ADAMTS3: variants seen among roughly 807,000 people sequenced by gnomAD.
The protein encoded by ADAMTS3 is ADAM metallopeptidase with thrombospondin type 1 motif 3.
Under a neutral mutation model 129.0 loss-of-function variants are expected in ADAMTS3, and 73 were observed. That is an observed-to-expected ratio of 0.57 (90% confidence interval 0.47 to 0.69). The LOEUF (loss-of-function observed/expected upper bound fraction) is 0.69, where lower values mean the gene tolerates loss of function less well. Among genes scored for constraint, ADAMTS3 ranks in the 30% least tolerant of loss-of-function variants. The pLI is 0.00. For missense variants in ADAMTS3, 1,457 were observed against 1,514.5 expected (o/e 0.96, Z 0.63); for synonymous variants, 477 against 510.8 (o/e 0.93, Z 0.89).
intron 19 of ADAMTS3, 98 bp from the exon 20 acceptor site, chr4:72,291,160 T>C (rs1027735104): frequency 6.1e-6 from 8 of 1,310,606 alleles, no homozygotes; most frequent in Non-Finnish European, 8.5e-6. Context: ...TCTAAGTGAC[T>C]TGCAACCTAG....
At chr4:72,437,648 G>A (rs2046191) in intron 3 of ADAMTS3, among the ~76,000 whole-genome samples, 147,832 of 151,810 alleles carry the variant, frequency 0.97, 72,122 homozygotes, top group South Asian at 1. Flanking sequence ...CCAAGCCTCT[G>A]TGTTGGTGCA....
intron 3 of ADAMTS3, among the ~76,000 whole-genome samples, chr4:72,515,665 C>T (rs984257807): frequency 3.3e-5 from 5 of 151,948 alleles, no homozygotes; most frequent in African/African-American, 1.2e-4. Context: ...TGTCCTTCGC[C>T]CACTTTTTGA....
At chr4:72,377,870 C>G (rs1191223376) in intron 4 of ADAMTS3, among the ~76,000 whole-genome samples, 2 of 152,102 alleles carry the variant, frequency 1.3e-5, no homozygotes, top group Non-Finnish European at 2.9e-5. Flanking sequence ...ATTCACTAAC[C>G]AAGAACTAAA....
rs768717927 is a variant in ADAMTS3 at position 72,548,900 on chromosome 4, C to T, written c.98-16G>A. 1.9e-6 allele frequency: 3 copies of T among 1,594,514 alleles called. No homozygotes were observed. In the African/African-American group the frequency reaches 4.0e-5, roughly 21 times the overall value. Reference sequence around the variant, plus strand: ...ATTGGTAAATCTGTGGGGTGAAAAACAGAACTGTCAAACCCTGTACAATAA... The same window carrying T: ...ATTGGTAAATCTGTGGGGTGAAAAATAGAACTGTCAAACCCTGTACAATAA... On this transcript the variant is annotated splice_polypyrimidine_tract_variant and intron_variant, in intron 2 of 21. Coordinates refer to ENST00000286657, the MANE Select transcript of ADAMTS3 (RefSeq NM_014243.3).
At chr4:72,529,417 T>A (rs1720899884) in intron 3 of ADAMTS3, among the ~76,000 whole-genome samples, 1 of 151,740 alleles carries the variant, frequency 6.6e-6, no homozygotes. Flanking sequence ...TTCCAGGGGA[T>A]TCTGATGCCT....
At chr4:72,479,430 A>G (rs1035720319) in intron 3 of ADAMTS3, among the ~76,000 whole-genome samples, 10 of 152,336 alleles carry the variant, frequency 6.6e-5, no homozygotes, top group African/African-American at 2.4e-4. Flanking sequence ...CCTGACAAAA[A>G]CAAGCAATGG....
chr4:72,411,631 T>C (rs966730813), intron 4 of ADAMTS3, among the ~76,000 whole-genome samples: 1 of 152,104 alleles, frequency 6.6e-6, no homozygotes, highest in Non-Finnish European at 1.5e-5. Flanking sequence ...ATACTTTGCC[T>C]CTGGGACATG....
intron 3 of ADAMTS3, among the ~76,000 whole-genome samples, chr4:72,533,673 A>ATATC (rs1164175826): frequency 6.6e-6 from 1 of 151,372 alleles, no homozygotes; most frequent in Non-Finnish European, 1.5e-5. Flanking sequence ...GTATATGCAC[A>ATATC]TATATGCACA....
intron 3 of ADAMTS3, among the ~76,000 whole-genome samples, chr4:72,455,164 A>G (rs1037703357): frequency 2.0e-5 from 3 of 151,762 alleles, no homozygotes; most frequent in Non-Finnish European, 4.4e-5. Flanking sequence ...CTCTACAAAA[A>G]TGATATTTCA....
chr4:72,522,121 G>A (rs1056475707), intron 3 of ADAMTS3, among the ~76,000 whole-genome samples: 4 of 152,042 alleles, frequency 2.6e-5, no homozygotes. Context: ...AGAAGATGAA[G>A]CCCAAGGGAG....
Position 72,290,935 on chromosome 4 carries a change from T to C in ADAMTS3, c.2851A>G (p.Met951Val), listed in dbSNP as rs764179660. Residue 951 changes from methionine to valine, a missense_variant, in exon 20 of 22, where the codon ATG (methionine) becomes GTG (valine). By Grantham distance (21) the Met-to-Val change is conservative. Transcript: ENST00000286657. ...TNRSVHSKYCMGDRPESRRPC... is the reference protein window; with the variant it reads ...TNRSVHSKYCVGDRPESRRPC... ...CGGCGGCTCTCGGGACGGTCACCCA[T>C]GCAGTATTTGCTGTGCACAGAGCGG... 6.2e-7 allele frequency: 1 copy of C among 1,614,074 alleles called. No homozygotes were observed. Among genetic ancestry groups the C allele is most frequent in the South Asian group, 1.1e-5 (1 of 91,078 alleles).
At chr4:72,314,681 T>A (rs149185955) in intron 11 of ADAMTS3, among the ~76,000 whole-genome samples, 42 of 152,332 alleles carry the variant, frequency 2.8e-4, no homozygotes, top group African/African-American at 9.6e-4. Context: ...TAACTCGTTA[T>A]ACTCTTGTTT....
At chr4:72,528,211 C>CT in intron 3 of ADAMTS3, among the ~76,000 whole-genome samples, 1 of 133,542 alleles carries the variant, frequency 7.5e-6, no homozygotes, top group African/African-American at 2.8e-5. Context: ...TTAATTCTCT[C>CT]TTTAAAAAAA....
intron 3 of ADAMTS3, among the ~76,000 whole-genome samples, chr4:72,465,573 G>A (rs1363623880): frequency 6.6e-6 from 1 of 151,982 alleles, no homozygotes; most frequent in Non-Finnish European, 1.5e-5. Flanking sequence ...CATTAACTAT[G>A]TCCTACACAC....
rs1410174891 is a variant in ADAMTS3 at position 72,311,058 on chromosome 4, C to G, written c.2045G>C (p.Gly682Ala). 1.2e-6 allele frequency: 2 copies of G among 1,607,540 alleles called. No homozygotes were observed. Among genetic ancestry groups the G allele is most frequent in the Non-Finnish European group, 1.7e-6 (2 of 1,176,166 alleles). ...YKDPYSICVR[G>A]ECVKVGCDKE... ...GCAATTTGAACTTACCACACACTCT[C>G]CTCGCACACATATGCTATATGGATC... Residue 682 changes from glycine (G) to alanine (A), a missense_variant, in exon 14 of 22, where the codon GGA becomes GCA. Gly to Ala is a moderately conservative substitution (Grantham distance 60). Coordinates refer to ENST00000286657, the MANE Select transcript of ADAMTS3 (RefSeq NM_014243.3).
At position 72,529,717 on chromosome 4, in the gene ADAMTS3, A is replaced by G. The variant is rs1183385739; in HGVS notation, c.504+18761T>C. Among the ~76,000 whole-genome samples, 859 of 106,106 alleles carry G rather than the reference A, an allele frequency of 8.1e-3. 10 individuals are homozygous for G. The highest frequency in any genetic ancestry group is 0.013 in the Non-Finnish European group (703 of 54,098). The allele number at this position is 106,106 out of a possible 152,430, so 69.6% of individuals were successfully genotyped here. On this transcript the variant is annotated intron_variant, in intron 3 of 21. Coordinates refer to ENST00000286657, the MANE Select transcript of ADAMTS3 (RefSeq NM_014243.3). ...AATATATATTAATATTAAATATAAT[A>G]TATATTAATTAATATATATTTATTT... is the stretch of plus-strand genomic sequence containing the variant.
chr4:72,356,222 A>G (rs777518496), intron 4 of ADAMTS3, among the ~76,000 whole-genome samples: 19 of 152,004 alleles, frequency 1.2e-4, no homozygotes, highest in Non-Finnish European at 2.4e-4. Context: ...AGAATGAAAA[A>G]GGAAAACATA....
In ADAMTS3 at chr4:72,329,774, A is replaced by G. The variant is rs548173829; in HGVS notation, c.862-6677T>C. ...ATGAAAAAAAAAAAAACGATCTACG[A>G]TGTTCTGTGGGATCTGGTACTGTTT... On this transcript the variant is annotated intron_variant, in intron 5 of 21. Transcript: ENST00000286657. 8.0e-5 allele frequency among the ~76,000 whole-genome samples: 12 copies of G among 150,806 alleles called. No homozygotes were observed. The South Asian group carries it at 2.3e-3, about 29-fold the overall frequency.
chr4:72,554,162 T>A (rs1039250688), intron 2 of ADAMTS3, among the ~76,000 whole-genome samples: 4 of 152,232 alleles, frequency 2.6e-5, no homozygotes, highest in Non-Finnish European at 5.9e-5. Flanking sequence ...TGTGCATGAG[T>A]GTATTTGTGA....
Sources: gnomAD v4.1 joint callset for allele counts (sites outside exome capture counted in the v4.1 genomes callset) on GRCh38, gnomAD v4.1.1 for gene constraint, MANE v1.5 for transcripts, NCBI Gene and HGNC (gene_info 2026-07-23, HGNC 2026-07-21) for gene names.